The following PPM1L variants were observed in gnomAD, a reference collection of about 807,000 sequenced individuals.
PPM1L encodes the protein protein phosphatase 1L.
PPM1L carries 13 observed loss-of-function variants against 31.4 expected under a neutral mutation model. That is an observed-to-expected ratio of 0.41 (90% CI 0.27 to 0.66). PPM1L has a LOEUF of 0.66. Among genes scored for constraint, PPM1L ranks in the 30% least tolerant of loss-of-function variants. The pLI, the probability that PPM1L is intolerant of heterozygous loss-of-function variation, is 0.29. For synonymous variants in PPM1L, 184 were observed against 175.4 expected (o/e 1.05, Z -0.39); for missense variants, 326 against 453.7 (o/e 0.72, Z 2.56).
At chr3:161,006,531 T>G (rs896918783) in intron 2 of PPM1L, among the ~76,000 whole-genome samples, 2 of 152,166 alleles carry the variant, frequency 1.3e-5, no homozygotes, top group Non-Finnish European at 2.9e-5. Context: ...ATAAAAAAGT[T>G]TTTTTTAAAG....
chr3:161,005,546 G>A (rs976423066), intron 2 of PPM1L, among the ~76,000 whole-genome samples: 7 of 152,132 alleles, frequency 4.6e-5, no homozygotes, highest in African/African-American at 1.7e-4. Flanking sequence ...AAATACAGAA[G>A]CTCTGGAACC....
At chr3:160,881,200 G>A (rs983154377) in intron 1 of PPM1L, among the ~76,000 whole-genome samples, 1 of 152,112 alleles carries the variant, frequency 6.6e-6, no homozygotes, top group African/African-American at 2.4e-5. Flanking sequence ...TTTTAACTAC[G>A]GGGCTTGGGA....
intron 3 of PPM1L, among the ~76,000 whole-genome samples, chr3:161,067,495 G>A (rs1470371144): frequency 6.6e-6 from 1 of 152,208 alleles, no homozygotes; most frequent in Non-Finnish European, 1.5e-5. Context: ...ATGTCTTTCT[G>A]TCGCCACTCC....
rs962452721 is a variant in PPM1L, at chr3:160,842,415, A to C, written c.399+85708A>C. On this transcript the variant is annotated intron_variant, in intron 1 of 3. Transcript: ENST00000498165. ...GGGGCTTTGAATGCCAGGCAAGGGA[A>C]TTTGGACTTTATTCTGTAGAAAATG... 3.3e-5 allele frequency: 22 copies of C among 665,198 alleles called. No individual in the cohort carries two copies. In the African/African-American group the frequency reaches 3.4e-4, roughly 10 times the overall value. The allele number at this position is 665,198 out of a possible 1,614,324, so 41.2% of individuals were successfully genotyped here.
intron 1 of PPM1L, among the ~76,000 whole-genome samples, chr3:160,909,360 A>G (rs1056482143): frequency 1.3e-5 from 2 of 152,186 alleles, no homozygotes; most frequent in African/African-American, 4.8e-5. Flanking sequence ...TGTTTGGAGT[A>G]ATTGGTAGAA....
rs1559912339 is a variant in PPM1L, at chr3:160,980,714, A to AG, written c.574+18804_574+18805insG. On this transcript the variant is annotated intron_variant, in intron 2 of 3. Coordinates refer to ENST00000498165, the MANE Select transcript of PPM1L (RefSeq NM_139245.4). ...AAAGAGAGAAAGAGAGAGAAAAAAA[A>AG]AGAGAGAGAGAGAGAGAAAAAGAAA... Among the ~76,000 whole-genome samples, 4 of 148,796 alleles carry AG rather than the reference A, an allele frequency of 2.7e-5. No individual in the cohort carries two copies. In the East Asian group the frequency reaches 5.9e-4, roughly 22 times the overall value.
At chr3:161,062,491 T>G (rs747748844) in intron 2 of PPM1L, among the ~76,000 whole-genome samples, 2 of 152,192 alleles carry the variant, frequency 1.3e-5, no homozygotes, top group African/African-American at 2.4e-5. Context: ...TTTATTACAT[T>G]AATTCAGATC....
At chr3:161,040,502 T>C (rs577056931) in intron 2 of PPM1L, among the ~76,000 whole-genome samples, 1 of 152,208 alleles carries the variant, frequency 6.6e-6, no homozygotes, top group Non-Finnish European at 1.5e-5. Context: ...AAGTTAAACA[T>C]GCGAACTGAA....
At chr3:160,973,762 C>CTTTATTTTTTT (rs1278930956) in intron 2 of PPM1L, among the ~76,000 whole-genome samples, 1 of 19,812 alleles carries the variant, frequency 5.0e-5, no homozygotes, top group Admixed American at 5.2e-4. Context: ...CTGAAAGGCC[C>CTTTATTTTTTT]TGTTTTTTTT....
chr3:161,030,275 C>T (rs1225302362), intron 2 of PPM1L, among the ~76,000 whole-genome samples: 1 of 152,168 alleles, frequency 6.6e-6, no homozygotes, highest in Non-Finnish European at 1.5e-5. Flanking sequence ...GCCTTTTGCT[C>T]TTTTATGTCT....
intron 1 of PPM1L, among the ~76,000 whole-genome samples, chr3:160,899,502 A>G (rs1713466497): frequency 6.6e-6 from 1 of 152,234 alleles, no homozygotes; most frequent in East Asian, 1.9e-4. Context: ...AGAATGAAAG[A>G]AAACACATTT....
intron 1 of PPM1L, among the ~76,000 whole-genome samples, chr3:160,818,825 A>G (rs1713071897): frequency 6.6e-6 from 1 of 152,014 alleles, no homozygotes; most frequent in Non-Finnish European, 1.5e-5. Context: ...ATTACCTCAT[A>G]CATTTATCAT....
intron 3 of PPM1L, among the ~76,000 whole-genome samples, chr3:161,068,475 C>T (rs1041671151): frequency 3.3e-5 from 5 of 152,234 alleles, no homozygotes; most frequent in Non-Finnish European, 7.3e-5. Flanking sequence ...CCACTCTCCT[C>T]AAATCCCTAC....
chr3:160,762,300 C>T (rs1714989787), intron 1 of PPM1L, among the ~76,000 whole-genome samples: 1 of 152,016 alleles, frequency 6.6e-6, no homozygotes, highest in African/African-American at 2.4e-5. Context: ...AAAGTTTCTG[C>T]AAAAAATTTT....
At chr3:161,040,694 AT>A (rs541789620) in intron 2 of PPM1L, among the ~76,000 whole-genome samples, 19 of 149,718 alleles carry the variant, frequency 1.3e-4, no homozygotes, top group South Asian at 4.2e-4. Flanking sequence ...CTAATCTCTG[AT>A]TTTTTTTTTA....
chr3:160,919,285 CTG>C (rs761414723), intron 1 of PPM1L, among the ~76,000 whole-genome samples: 3 of 152,170 alleles, frequency 2.0e-5, no homozygotes, highest in Non-Finnish European at 4.4e-5. Context: ...CATCTGGCCT[CTG>C]TGACAACTAT....
chr3:161,019,734 G>C (rs1446253166), intron 2 of PPM1L, among the ~76,000 whole-genome samples: 1 of 152,140 alleles, frequency 6.6e-6, no homozygotes, highest in Non-Finnish European at 1.5e-5. Flanking sequence ...TTTACTGCAT[G>C]ATATATGTCC....
chr3:160,920,854 G>C (rs1320307218), intron 1 of PPM1L, among the ~76,000 whole-genome samples: 1 of 152,016 alleles, frequency 6.6e-6, no homozygotes, highest in Non-Finnish European at 1.5e-5. Context: ...GCATAACCAG[G>C]TTCCCCTGGC....
chr3:160,776,974 A>G, intron 1 of PPM1L, among the ~76,000 whole-genome samples: 1 of 152,032 alleles, frequency 6.6e-6, no homozygotes, highest in East Asian at 1.9e-4. Flanking sequence ...GAGAAGATTA[A>G]TACTATGGAG....
Sources: gnomAD v4.1 joint callset for allele counts (sites outside exome capture counted in the v4.1 genomes callset) on GRCh38, gnomAD v4.1.1 for gene constraint, MANE v1.5 for transcripts, NCBI Gene and HGNC (gene_info 2026-07-23, HGNC 2026-07-21) for gene names.